DNA2: variants seen among roughly 807,000 people sequenced by gnomAD.
The protein encoded by DNA2 is DNA replication ATP-dependent helicase/nuclease DNA2.
DNA2 carries 101 observed loss-of-function variants against 119.1 expected under a neutral mutation model. The observed-to-expected ratio is 0.85, with a 90% confidence interval of 0.72 to 1.00. The LOEUF (loss-of-function observed/expected upper bound fraction) is 1.00, where lower values mean the gene tolerates loss of function less well. Ranked by LOEUF, DNA2 falls within the 50% of genes least tolerant of loss-of-function variation. DNA2 has a pLI of 0.00. For missense variants in DNA2, 1,121 were observed against 1,255.5 expected (o/e 0.89, Z 1.62); for synonymous variants, 366 against 424.4 (o/e 0.86, Z 1.69).
Position 68,430,614 on chromosome 10 carries a change from T to C in DNA2, c.2030A>G (p.Tyr677Cys). ...ACGFSVLLTS[Y>C]THSAVDNILL... ...AATATTGTCAACAGCAGAGTGTGTA[T>C]AGCTGGTCAACAAAACGCTAAAACC... Residue 677 changes from tyrosine to cysteine, a missense_variant, in exon 14 of 21, where the codon TAT (tyrosine) becomes TGT (cysteine). Physicochemically the swap from Tyr to Cys is radical, Grantham distance 194 (BLOSUM62 -2). Transcript: ENST00000358410. 1 of 1,606,396 alleles carries C rather than the reference T, an allele frequency of 6.2e-7. No individual in the cohort carries two copies. Among genetic ancestry groups the C allele is most frequent in the South Asian group, 1.1e-5 (1 of 89,454 alleles).
At chr10:68,447,916 A>G (rs2052063425) in intron 6 of DNA2, among the ~76,000 whole-genome samples, 1 of 151,346 alleles carries the variant, frequency 6.6e-6, no homozygotes, top group East Asian at 2.0e-4. Context: ...CCCAGGAGGC[A>G]GAGCTTGCAG....
At chr10:68,444,395 TAAATAAATAAATAAAATAC>T (rs1272556126) in intron 8 of DNA2, among the ~76,000 whole-genome samples, 4 of 148,178 alleles carry the variant, frequency 2.7e-5, no homozygotes, top group Admixed American at 2.0e-4. Context: ...CTCAAAAAAA[TAAATAAATAAATAAAATAC>T]AAATAAATAA....
At chr10:68,419,404 T>G in intron 18 of DNA2, 191 bp from the exon 19 acceptor site, 1 of 552,000 alleles carries the variant, frequency 1.8e-6, no homozygotes. Context: ...AATAATTCCT[T>G]AGACATTGCT....
chr10:68,453,769 G>A (rs1035731523), intron 5 of DNA2, among the ~76,000 whole-genome samples: 5 of 152,132 alleles, frequency 3.3e-5, no homozygotes, highest in Non-Finnish European at 7.3e-5. Context: ...TATACCATAC[G>A]GCCTAGGTGT....
At position 68,446,209 on chromosome 10, in the gene DNA2, G is replaced by C; in HGVS notation, c.1057+87C>G. 3 of 698,246 alleles carry C rather than the reference G, an allele frequency of 4.3e-6. No individual in the cohort carries two copies. The South Asian group carries it at 5.3e-5, about 12-fold the overall frequency. The allele number at this position is 698,246 out of a possible 1,614,324, so 43.3% of individuals were successfully genotyped here. ...AATTATAACCTATTAAGTGCTGTGA[G>C]TAGATTGTCAGGTATAAATATGTAT... On this transcript the variant is annotated intron_variant, in intron 7 of 20. Transcript: ENST00000358410.
chr10:68,435,525 C>T (rs943914502), intron 10 of DNA2, among the ~76,000 whole-genome samples: 13 of 152,038 alleles, frequency 8.6e-5, no homozygotes, highest in Admixed American at 5.9e-4. Flanking sequence ...GGTGCAATCT[C>T]GGCTCACTGA....
Position 68,442,376 on chromosome 10 carries a change from G to A in DNA2, c.1415+541C>T, listed in dbSNP as rs371506356. Among the ~76,000 whole-genome samples the A allele has an allele frequency of 5.3e-5, 8 of 151,518 alleles. No individual in the cohort carries two copies. In the East Asian group the frequency reaches 5.9e-4, roughly 11 times the overall value. On this transcript the variant is annotated intron_variant, in intron 9 of 20. Transcript: ENST00000358410. ...TGGGATTAAAGGCGCCTGCCACCAC[G>A]CCCGGCTAATTTTTTGTTTTTGTTT...
chr10:68,431,362 A>C (rs1225525868), intron 13 of DNA2, among the ~76,000 whole-genome samples: 5 of 151,848 alleles, frequency 3.3e-5, no homozygotes, highest in Non-Finnish European at 7.4e-5. Context: ...AGCTCACTAC[A>C]ACCTCTGCCT....
chr10:68,471,723 G>C lies in DNA2; in HGVS notation c.74+68C>G. 15 of 1,476,910 alleles carry C rather than the reference G, an allele frequency of 1.0e-5. No individual in the cohort carries two copies. The South Asian group carries it at 2.0e-4, about 19-fold the overall frequency. 91.5% of individuals were successfully genotyped at this position (1,476,910 alleles called of 1,614,324 possible). A position where few individuals can be genotyped will look rare whatever the true frequency, so the allele number is the denominator to read the frequency against. On this transcript the variant is annotated intron_variant, in intron 1 of 20. Transcript: ENST00000358410. ...CCGGTCAGTCTGAGGCGGTGCGGAC[G>C]CAGCCTCTCCCGCTCCTTCTTTCAA...
intron 14 of DNA2, among the ~76,000 whole-genome samples, chr10:68,427,650 A>AACACAC (rs151180015): frequency 0.048 from 6,714 of 140,190 alleles, 519 homozygotes; most frequent in African/African-American, 0.16. Context: ...CCTTGTCTCA[A>AACACAC]ACACACACAC....
At chr10:68,438,756 G>A (rs1318554106) in intron 9 of DNA2, among the ~76,000 whole-genome samples, 2 of 151,986 alleles carry the variant, frequency 1.3e-5, no homozygotes, top group Non-Finnish European at 2.9e-5. Context: ...ATTCTGGGCC[G>A]GGCGCCGTGG....
chr10:68,456,483 C>T (rs548126766), intron 5 of DNA2, among the ~76,000 whole-genome samples: 70 of 152,234 alleles, frequency 4.6e-4, no homozygotes, highest in African/African-American at 1.5e-3. Flanking sequence ...GGCACGATCT[C>T]GGCTCGCTGT....
chr10:68,467,620 G>A (rs561821977), intron 3 of DNA2, among the ~76,000 whole-genome samples: 23 of 151,768 alleles, frequency 1.5e-4, no homozygotes, highest in Non-Finnish European at 3.2e-4. Context: ...GCATGATCTC[G>A]GCTCACTGCA....
intron 14 of DNA2, among the ~76,000 whole-genome samples, chr10:68,423,829 G>A (rs12765555): frequency 0.039 from 5,889 of 152,328 alleles, 130 homozygotes; most frequent in Non-Finnish European, 0.048. Flanking sequence ...GTCAAAGAAG[G>A]CTGAGTGGGG....
chr10:68,438,369 A>G (rs2051919659), intron 9 of DNA2, among the ~76,000 whole-genome samples: 1 of 152,054 alleles, frequency 6.6e-6, no homozygotes. Flanking sequence ...AAAATACAAA[A>G]TTAGCCGGGC....
At chr10:68,460,896 T>A (rs2052249261) in intron 4 of DNA2, among the ~76,000 whole-genome samples, 1 of 144,046 alleles carries the variant, frequency 6.9e-6, no homozygotes. Context: ...GGTGACAGAG[T>A]GAGACCCTGT....
At position 68,452,994 on chromosome 10, in the gene DNA2, G is replaced by A. The variant is rs141470688; in HGVS notation, c.720-2747C>T. 2.0e-5 allele frequency among the ~76,000 whole-genome samples: 3 copies of A among 151,280 alleles called. No individual in the cohort carries two copies. The South Asian group carries it at 6.3e-4, about 32-fold the overall frequency. ...CGGCTCACTGCAACTTCCACCTCCC[G>A]GGTTCAAGCAACTCTCCCATTTCAG... On this transcript the variant is annotated intron_variant, in intron 5 of 20. Transcript: ENST00000358410.
At chr10:68,437,509 G>T (rs934185037) in intron 9 of DNA2, among the ~76,000 whole-genome samples, 8 of 151,696 alleles carry the variant, frequency 5.3e-5, no homozygotes, top group Admixed American at 5.3e-4. Flanking sequence ...AATTAGCCAG[G>T]TGTGGTGGTG....
At chr10:68,457,578 A>G (rs978750390) in intron 5 of DNA2, among the ~76,000 whole-genome samples, 1 of 152,078 alleles carries the variant, frequency 6.6e-6, no homozygotes, top group African/African-American at 2.4e-5. Context: ...TAGAAACTCC[A>G]CAAAGTAGGC....
Sources: allele counts gnomAD v4.1 joint callset (sites outside exome capture counted in the v4.1 genomes callset), GRCh38; gene constraint gnomAD v4.1.1; transcripts MANE v1.5; gene names NCBI Gene and HGNC (gene_info 2026-07-23, HGNC 2026-07-21).